The following AKNA variants were observed in gnomAD, a reference collection of about 807,000 sequenced individuals.
AKNA encodes the protein AT-hook transcription factor.
AKNA carries 67 observed loss-of-function variants against 138.8 expected under a neutral mutation model. The observed-to-expected ratio is 0.48, with a 90% confidence interval of 0.40 to 0.59. The LOEUF (loss-of-function observed/expected upper bound fraction) is 0.59. Ranked by LOEUF, AKNA falls within the 20% of genes least tolerant of loss-of-function variation. The probability of loss-of-function intolerance (pLI) is 0.00; values close to 1 mark genes in which losing one functional copy is unlikely to be tolerated. For synonymous variants in AKNA, 737 were observed against 754.4 expected (o/e 0.98, Z 0.38); for missense variants, 1,813 against 1,880.4 (o/e 0.96, Z 0.66).
intron 1 of AKNA, 27 bp from the exon 2 acceptor site, chr9:114,381,473 C>A (rs980174905): frequency 1.5e-4 from 207 of 1,407,736 alleles, no homozygotes; most frequent in Non-Finnish European, 1.9e-4. Flanking sequence ...CAAGAGAGAA[C>A]ATTAATCAAT....
At chr9:114,331,193 G>A (rs953681219), downstream of AKNA, among the ~76,000 whole-genome samples, 2 of 152,116 alleles carry the variant, frequency 1.3e-5, no homozygotes, top group Non-Finnish European at 2.9e-5. Flanking sequence ...AAGCCTGTAT[G>A]TTGGAGAGGT....
At chr9:114,339,442 A>G (rs573598835) in intron 21 of AKNA, among the ~76,000 whole-genome samples, 3 of 152,164 alleles carry the variant, frequency 2.0e-5, no homozygotes, top group Admixed American at 1.3e-4. Flanking sequence ...TCTATGTACT[A>G]TGGGCTTTCC....
intron 21 of AKNA, 134 bp downstream of exon 21, chr9:114,341,399 A>T: frequency 9.1e-7 from 1 of 1,098,936 alleles, no homozygotes; most frequent in Non-Finnish European, 1.3e-6. Context: ...TTGGGCTCCT[A>T]CTGCATGTTA....
intron 2 of AKNA, among the ~76,000 whole-genome samples, chr9:114,379,421 G>A (rs1324750395): frequency 6.6e-6 from 1 of 152,228 alleles, no homozygotes. Context: ...GTGACCCCAG[G>A]AAGAGATGCC....
upstream of AKNA, among the ~76,000 whole-genome samples, chr9:114,394,864 G>A (rs142527441): frequency 2.4e-3 from 371 of 152,300 alleles, 4 homozygotes; most frequent in African/African-American, 8.6e-3. Context: ...CCTTGGCTGT[G>A]GTCCCAAGAC....
At chr9:114,390,384 T>C (rs184276607), upstream of AKNA, among the ~76,000 whole-genome samples, 7 of 152,242 alleles carry the variant, frequency 4.6e-5, no homozygotes, top group Admixed American at 3.9e-4. Context: ...TGGCCCATCT[T>C]TCACCCAGGT....
chr9:114,355,186 T>G (rs1831404639), intron 14 of AKNA, among the ~76,000 whole-genome samples: 1 of 149,122 alleles, frequency 6.7e-6, no homozygotes, highest in Non-Finnish European at 1.5e-5. Flanking sequence ...ACTTTTTTTT[T>G]TTTTTTTGAT....
In AKNA at chr9:114,345,938, C is replaced by G; in HGVS notation, c.3586G>C (p.Ala1196Pro). Residue 1196 changes from alanine (A) to proline (P), a missense_variant, in exon 18 of 22, where the codon GCA becomes CCA. Ala to Pro is a conservative substitution (Grantham distance 27). Transcript: ENST00000374088. ...ACCCCTCTCTTTCCATCCCGAGCTG[C>G]CTGTGGACTGTCCTTGGTGGTCTTG... Reference protein sequence around the residue: ...KSKTTKDSPQAARDGKRGVGS... With the variant: ...KSKTTKDSPQPARDGKRGVGS... 1.2e-6 allele frequency: 2 copies of G among 1,614,126 alleles called. No homozygotes were observed. Among genetic ancestry groups the G allele is most frequent in the Non-Finnish European group, 1.7e-6 (2 of 1,180,026 alleles).
rs781259576 is a variant in AKNA, at chr9:114,376,902, G to A, written c.905C>T (p.Thr302Met). 27 of 1,614,236 alleles carry A rather than the reference G, an allele frequency of 1.7e-5. No individual in the cohort carries two copies. Among genetic ancestry groups the A allele is most frequent in the Admixed American group, 3.3e-5 (2 of 60,034 alleles). Residue 302 changes from threonine (T) to methionine (M), a missense_variant, in exon 3 of 22, where the codon ACG becomes ATG. Physicochemically the swap from Thr to Met is moderately conservative, Grantham distance 81. Coordinates refer to ENST00000374088, the MANE Select transcript of AKNA (RefSeq NM_001317950.2). Reference sequence around the variant, plus strand: ...TCGGGAAGGGAGTGGCTTAGGTGACGTCTTTGTCTGCTTCCAGATGTGTTC... The same window carrying A: ...TCGGGAAGGGAGTGGCTTAGGTGACATCTTTGTCTGCTTCCAGATGTGTTC... ...PKEHIWKQTK[T>M]SPKPLPSRFI...
At chr9:114,395,936 A>T (rs1834519339), upstream of AKNA, among the ~76,000 whole-genome samples, 1 of 152,144 alleles carries the variant, frequency 6.6e-6, no homozygotes, top group South Asian at 2.1e-4. Context: ...CCCCAAAGTA[A>T]GGATGCGCTA....
In AKNA at chr9:114,381,342, G is replaced by T. The variant is rs777188217; in HGVS notation, c.-9C>A. 1 of 1,562,130 alleles carries T rather than the reference G, an allele frequency of 6.4e-7. No homozygotes were observed. The highest frequency in any genetic ancestry group is 1.2e-5 in the South Asian group (1 of 85,516). On this transcript the variant is annotated 5_prime_UTR_variant, in exon 2 of 22. Transcript: ENST00000374088. ...GTCTCCGAGCTGGCCATTGGGGCTG[G>T]CCTGGGCTTCACCTGGGCCACTTCA...
intron 1 of AKNA, chr9:114,383,017 G>C: frequency 2.5e-6 from 1 of 395,686 alleles, no homozygotes; most frequent in South Asian, 1.8e-5. Context: ...AACGCCTTCC[G>C]AGTGAGGAGT....
At chr9:114,389,128 G>T (rs75338937), upstream of AKNA, among the ~76,000 whole-genome samples, 399 of 152,304 alleles carry the variant, frequency 2.6e-3, 12 homozygotes, top group East Asian at 0.036. Flanking sequence ...AAGGTTTGGG[G>T]CAGAGTGTTC....
Position 114,345,935 on chromosome 9 carries a change from C to A in AKNA, c.3589G>T (p.Ala1197Ser). The change falls in exon 18 of 22, where the codon GCT becomes TCT. Residue 1197 changes from alanine to serine, a missense_variant. Ala to Ser is a moderately conservative substitution (Grantham distance 99, BLOSUM62 1). Transcript: ENST00000374088. ...SKTTKDSPQA[A>S]RDGKRGVGSA... ...CCCACCCCTCTCTTTCCATCCCGAG[C>A]TGCCTGTGGACTGTCCTTGGTGGTC... 9 of 1,614,152 alleles carry A rather than the reference C, an allele frequency of 5.6e-6. No individual in the cohort carries two copies. Among genetic ancestry groups the A allele is most frequent in the Non-Finnish European group, 7.6e-6 (9 of 1,180,032 alleles).
At chr9:114,347,703 G>A (rs1211094069) in intron 16 of AKNA, 21 bp downstream of exon 16, 1 of 1,508,850 alleles carries the variant, frequency 6.6e-7, no homozygotes, top group Non-Finnish European at 8.9e-7. Context: ...GGACAGAGGT[G>A]GGAGTTTTGA....
In AKNA at chr9:114,337,246, G is replaced by A; in HGVS notation, c.4128C>T (p.Ala1376=). ...GGTGTCTCCGGGCTGGTGGGGGAGAGGCTGTGGGCGGCCACTTGGCAGCTG... is the reference window on the plus strand; with the variant it reads ...GGTGTCTCCGGGCTGGTGGGGGAGAAGCTGTGGGCGGCCACTTGGCAGCTG... ...AQPAAKWPPT[A]SPPPARRHRH... Residue 1376 remains alanine, a synonymous_variant, in exon 22 of 22, where the codon GCC becomes GCT. Transcript: ENST00000374088. The A allele has an allele frequency of 6.4e-7, 1 of 1,560,324 alleles. No individual in the cohort carries two copies. Among genetic ancestry groups the A allele is most frequent in the Non-Finnish European group, 8.7e-7 (1 of 1,144,802 alleles).
At chr9:114,342,883 A>AATGC (rs911286400) in intron 19 of AKNA, among the ~76,000 whole-genome samples, 4 of 151,250 alleles carry the variant, frequency 2.6e-5, no homozygotes, top group African/African-American at 7.4e-5. Context: ...TGAATGAATG[A>AATGC]ATGCATGCAG....
chr9:114,367,995 C>T (rs1832493640), intron 5 of AKNA, among the ~76,000 whole-genome samples: 1 of 152,230 alleles, frequency 6.6e-6, no homozygotes, highest in Non-Finnish European at 1.5e-5. Flanking sequence ...AGTTCCAATC[C>T]AGACACTTCC....
intron 4 of AKNA, among the ~76,000 whole-genome samples, chr9:114,372,404 G>C (rs1313824051): frequency 6.6e-6 from 1 of 152,140 alleles, no homozygotes; most frequent in South Asian, 2.1e-4. Context: ...GTGCTCCCCC[G>C]TGTCCACCCC....
Sources: allele counts gnomAD v4.1 joint callset (sites outside exome capture counted in the v4.1 genomes callset), GRCh38; gene constraint gnomAD v4.1.1; transcripts MANE v1.5; gene names NCBI Gene and HGNC (gene_info 2026-07-23, HGNC 2026-07-21).